FGF2: variants seen among roughly 807,000 people sequenced by gnomAD.
The protein encoded by FGF2 is basic fibroblast growth factor bFGF.
Under a neutral mutation model 15.9 loss-of-function variants are expected in FGF2, and 13 were observed. The ratio of observed to expected loss-of-function variants is 0.82; its 90% CI spans 0.53 to 1.30. The LOEUF is 1.30. FGF2 is among the 50% of genes most tolerant of loss of function. The pLI is 0.00. For missense variants in FGF2, 163 were observed against 196.9 expected (o/e 0.83, Z 1.03); for synonymous variants, 90 against 78.4 (o/e 1.15, Z -0.78).
At chr4:122,842,746 C>T (rs41436350) in intron 1 of FGF2, among the ~76,000 whole-genome samples, 12,007 of 152,182 alleles carry the variant, frequency 0.079, 682 homozygotes, top group Middle Eastern at 0.17. Flanking sequence ...TTTCTTATTG[C>T]TGCTGGCTAC....
chr4:122,888,667 G>A (rs1727106332), intron 2 of FGF2: 1 of 152,148 alleles, frequency 6.6e-6, no homozygotes, highest in Non-Finnish European at 1.5e-5. Context: ...TCTGATAGCT[G>A]GATGGTTAAC....
Position 122,896,033 on chromosome 4 carries a change from G to A in FGF2, c.*3637G>A, listed in dbSNP as rs531818863. ...AGTTTTCATTTCTAGCTGCTTTCAG[G>A]GTTTTATGAATTTTCAGGCAAAGCT... On this transcript the variant is annotated 3_prime_UTR_variant, in exon 3 of 3. Transcript: ENST00000644866. 1 of 152,642 alleles carries A rather than the reference G, an allele frequency of 6.6e-6. No individual in the cohort carries two copies. The highest frequency in any genetic ancestry group is 2.1e-4 in the South Asian group (1 of 4,814). The allele number at this position is 152,642 out of a possible 1,614,324, so 9.5% of individuals were successfully genotyped here. A position where few individuals can be genotyped will look rare whatever the true frequency, so the allele number is the denominator to read the frequency against.
At chr4:122,857,362 A>G (rs1349342986) in intron 1 of FGF2, among the ~76,000 whole-genome samples, 1 of 152,100 alleles carries the variant, frequency 6.6e-6, no homozygotes, top group African/African-American at 2.4e-5. Flanking sequence ...TTTTCTCTCT[A>G]TCTCTGAAGC....
chr4:122,870,356 G>A (rs1726704802), intron 1 of FGF2, among the ~76,000 whole-genome samples: 1 of 152,180 alleles, frequency 6.6e-6, no homozygotes, highest in Admixed American at 6.5e-5. Flanking sequence ...ATAAATTAGG[G>A]AGGAGTCCCT....
At chr4:122,864,599 CGT>C (rs1726533934) in intron 1 of FGF2, among the ~76,000 whole-genome samples, 1 of 152,168 alleles carries the variant, frequency 6.6e-6, no homozygotes, top group Non-Finnish European at 1.5e-5. Flanking sequence ...TTGGGTGATA[CGT>C]CTCCAAACTC....
At position 122,851,099 on chromosome 4, in the gene FGF2, T is replaced by G. The variant is rs375816445; in HGVS notation, c.178+23747T>G. Among the ~76,000 whole-genome samples, 42 of 152,216 alleles carry G rather than the reference T, an allele frequency of 2.8e-4. No individual in the cohort carries two copies. In the South Asian group the frequency reaches 8.7e-3, roughly 32 times the overall value. ...CAATTGCTTGGATCAAAGCACAATT[T>G]TAGTATTATTTCAACCTGCTATGTC... On this transcript the variant is annotated intron_variant, in intron 1 of 2. Transcript: ENST00000644866.
At chr4:122,830,129 T>A (rs1422191476) in intron 1 of FGF2, among the ~76,000 whole-genome samples, 1 of 152,248 alleles carries the variant, frequency 6.6e-6, no homozygotes, top group East Asian at 1.9e-4. Context: ...TTTTCTAAAC[T>A]GCAGGTAACT....
At chr4:122,886,480 C>T (rs989412334) in intron 2 of FGF2, among the ~76,000 whole-genome samples, 1 of 152,164 alleles carries the variant, frequency 6.6e-6, no homozygotes, top group Non-Finnish European at 1.5e-5. Flanking sequence ...GGTTATGCTC[C>T]ACCTCCTTGA....
intron 2 of FGF2, among the ~76,000 whole-genome samples, chr4:122,884,077 A>G (rs1441075667): frequency 2.0e-5 from 3 of 152,240 alleles, no homozygotes; most frequent in African/African-American, 7.2e-5. Context: ...GAAGAGGAAT[A>G]TATATCCTTT....
intron 1 of FGF2, among the ~76,000 whole-genome samples, chr4:122,836,462 T>A (rs1283330182): frequency 6.6e-6 from 1 of 152,212 alleles, no homozygotes; most frequent in Admixed American, 6.5e-5. Context: ...GTGTGCTATC[T>A]AAAAATTCTC....
chr4:122,890,818 C>T (rs1727155752), intron 2 of FGF2, among the ~76,000 whole-genome samples: 1 of 151,986 alleles, frequency 6.6e-6, no homozygotes. Context: ...ATATTTATGT[C>T]TCTGTATACA....
intron 1 of FGF2, among the ~76,000 whole-genome samples, chr4:122,858,841 A>C (rs1726396168): frequency 6.6e-6 from 1 of 152,198 alleles, no homozygotes; most frequent in African/African-American, 2.4e-5. Flanking sequence ...TTTAGTTTTC[A>C]GTTACTGGTG....
At chr4:122,886,348 T>C (rs55886929) in intron 2 of FGF2, among the ~76,000 whole-genome samples, 2,978 of 152,330 alleles carry the variant, frequency 0.02, 100 homozygotes, top group African/African-American at 0.067. Context: ...ATATAATCCT[T>C]GCTTACCTGG....
Position 122,892,896 on chromosome 4 carries a change from C to T in FGF2, c.*500C>T. 1 of 1,613,684 alleles carries T rather than the reference C, an allele frequency of 6.2e-7. No homozygotes were observed. Among genetic ancestry groups the T allele is most frequent in the South Asian group, 1.1e-5 (1 of 91,058 alleles). ...TTATGATAGAGTTTATAAAACAGTCCTGTGTAAACTGCTGGAAGTTCTTCC... is the reference window on the plus strand; with the variant it reads ...TTATGATAGAGTTTATAAAACAGTCTTGTGTAAACTGCTGGAAGTTCTTCC... On this transcript the variant is annotated 3_prime_UTR_variant, in exon 3 of 3. Transcript: ENST00000644866.
chr4:122,863,788 T>G (rs1726519390), intron 1 of FGF2, among the ~76,000 whole-genome samples: 1 of 152,234 alleles, frequency 6.6e-6, no homozygotes, highest in Non-Finnish European at 1.5e-5. Context: ...GTGAGGCAAG[T>G]CTGAGATCCA....
Position 122,893,372 on chromosome 4 carries a change from G to T in FGF2, c.*976G>T. 2.9e-6 allele frequency: 2 copies of T among 685,518 alleles called. No individual in the cohort carries two copies. The highest frequency in any genetic ancestry group is 4.4e-6 in the Non-Finnish European group (2 of 455,448). The allele number at this position is 685,518 out of a possible 1,614,324, so 42.5% of individuals were successfully genotyped here. A position where few individuals can be genotyped will look rare whatever the true frequency, so the allele number is the denominator to read the frequency against. On this transcript the variant is annotated 3_prime_UTR_variant, in exon 3 of 3. Transcript: ENST00000644866. ...GTTTTCAATACAAATTCTTTGCCTT[G>T]TGGATATCAAGAAATCCCAAAATAT...
intron 2 of FGF2, among the ~76,000 whole-genome samples, chr4:122,876,787 A>G (rs6534367): frequency 0.91 from 138,314 of 152,260 alleles, 63,051 homozygotes; most frequent in East Asian, 0.96. Context: ...TTTGATTATT[A>G]GTTTTTAAGT....
rs1578486804 is a variant in FGF2 at position 122,895,256 on chromosome 4, G to A, written c.*2860G>A. On this transcript the variant is annotated 3_prime_UTR_variant, in exon 3 of 3. Transcript: ENST00000644866. ...ATTTTAATATACTGTAAGCCAAACT[G>A]AAATAACATTTGCTGTTTTATAGGT... 1 of 152,234 alleles carries A rather than the reference G, an allele frequency of 6.6e-6. No homozygotes were observed. Among genetic ancestry groups the A allele is most frequent in the East Asian group, 1.9e-4 (1 of 5,190 alleles). The allele number at this position is 152,234 out of a possible 1,614,324, so 9.4% of individuals were successfully genotyped here. A position where few individuals can be genotyped will look rare whatever the true frequency, so the allele number is the denominator to read the frequency against.
chr4:122,880,383 A>G (rs545671878), intron 2 of FGF2, among the ~76,000 whole-genome samples: 1 of 151,702 alleles, frequency 6.6e-6, no homozygotes, highest in Non-Finnish European at 1.5e-5. Flanking sequence ...AGCAGCTGAG[A>G]CTATAGGCAC....
Sources: gnomAD v4.1 joint callset for allele counts (sites outside exome capture counted in the v4.1 genomes callset) on GRCh38, gnomAD v4.1.1 for gene constraint, MANE v1.5 for transcripts, NCBI Gene and HGNC (gene_info 2026-07-23, HGNC 2026-07-21) for gene names.